The following CSMD1 variants were observed in gnomAD, a reference collection of about 807,000 sequenced individuals.
CSMD1 encodes CUB and sushi domain-containing protein 1.
Under a neutral mutation model 417.5 loss-of-function variants are expected in CSMD1, and 213 were observed. That is an observed-to-expected ratio of 0.51 (90% CI 0.46 to 0.57). The LOEUF (loss-of-function observed/expected upper bound fraction) is 0.57. Ranked by LOEUF, CSMD1 falls within the 20% of genes least tolerant of loss-of-function variation. CSMD1 has a pLI of 0.00. For missense variants in CSMD1, 6,923 were observed against 4,529.7 expected (o/e 1.53, Z -15.17); for synonymous variants, 2,862 against 1,736.8 (o/e 1.65, Z -16.11).
rs568778170 is a variant in CSMD1 at position 3,897,477 on chromosome 8, T to C, written c.818+100426A>G. Among the ~76,000 whole-genome samples, 7 of 152,300 alleles carry C rather than the reference T, an allele frequency of 4.6e-5. No individual in the cohort carries two copies. In the South Asian group the frequency reaches 1.4e-3, roughly 32 times the overall value. On this transcript the variant is annotated intron_variant, in intron 5 of 69. Coordinates refer to ENST00000635120, the MANE Select transcript of CSMD1 (RefSeq NM_033225.6). Reference sequence around the variant, plus strand: ...AAGTCATGCATATATAAACTAAATTTTTATTTATGATCTTAAAGTCATGCA... The same window carrying C: ...AAGTCATGCATATATAAACTAAATTCTTATTTATGATCTTAAAGTCATGCA...
chr8:3,776,983 G>C (rs1017920101), intron 5 of CSMD1, among the ~76,000 whole-genome samples: 3 of 151,750 alleles, frequency 2.0e-5, no homozygotes, highest in East Asian at 3.9e-4. Context: ...CATAGTGCTG[G>C]GATTACATGC....
chr8:4,277,792 G>A (rs546227750), intron 3 of CSMD1, among the ~76,000 whole-genome samples: 9 of 152,048 alleles, frequency 5.9e-5, no homozygotes, highest in African/African-American at 2.2e-4. Context: ...CTGTTGCCCA[G>A]GCTGGAGTGC....
intron 3 of CSMD1, among the ~76,000 whole-genome samples, chr8:4,228,588 T>A (rs1801510265): frequency 8.8e-6 from 1 of 113,530 alleles, no homozygotes; most frequent in Admixed American, 8.5e-5. Flanking sequence ...CTCTGTCAGA[T>A]CTTTTTTTTT....
intron 5 of CSMD1, among the ~76,000 whole-genome samples, chr8:3,890,575 G>A (rs1426146340): frequency 6.6e-6 from 1 of 152,062 alleles, no homozygotes; most frequent in Non-Finnish European, 1.5e-5. Context: ...TAACACATAA[G>A]GTTTTTATGC....
chr8:4,255,752 G>T (rs58551888), intron 3 of CSMD1, among the ~76,000 whole-genome samples: 2 of 152,192 alleles, frequency 1.3e-5, no homozygotes, highest in African/African-American at 2.4e-5. Context: ...TTAAACAAAA[G>T]TTCTAAAATT....
chr8:4,063,710 A>G (rs1799098932), intron 3 of CSMD1, among the ~76,000 whole-genome samples: 1 of 152,224 alleles, frequency 6.6e-6, no homozygotes, highest in Admixed American at 6.5e-5. Flanking sequence ...TACCTAAGTA[A>G]GGAGTCCACT....
chr8:4,645,444 C>G (rs1330578643), intron 1 of CSMD1, among the ~76,000 whole-genome samples: 2 of 36,850 alleles, frequency 5.4e-5, no homozygotes, highest in Admixed American at 5.5e-4. Flanking sequence ...AGTGCAGGGG[C>G]AAAAAAAAAA....
At chr8:3,080,771 T>C (rs535621471) in intron 49 of CSMD1, among the ~76,000 whole-genome samples, 3 of 152,312 alleles carry the variant, frequency 2.0e-5, no homozygotes, top group African/African-American at 7.2e-5. Flanking sequence ...GGGACGTAGA[T>C]ATCAAAATCT....
chr8:4,347,155 C>A (rs1800819969), intron 3 of CSMD1, among the ~76,000 whole-genome samples: 2 of 152,140 alleles, frequency 1.3e-5, no homozygotes, highest in South Asian at 2.1e-4. Context: ...GGTGTGACAA[C>A]TGGGATCGGT....
rs563144360 is a variant in CSMD1, at chr8:3,024,157, G to A, written c.7855+5162C>T. Among the ~76,000 whole-genome samples the A allele has an allele frequency of 1.2e-3, 175 of 152,082 alleles. 1 individual carries two copies. The highest frequency in any genetic ancestry group is 4.1e-3 in the African/African-American group (171 of 41,468). ...GGTGTGTGTGTGTGTGTATGTGTGT[G>A]CAAAGTAGGAAACATGAGAGATAAA... On this transcript the variant is annotated intron_variant, in intron 51 of 69. Coordinates refer to ENST00000635120, the MANE Select transcript of CSMD1 (RefSeq NM_033225.6).
intron 26 of CSMD1, among the ~76,000 whole-genome samples, chr8:3,270,638 T>G (rs1585871739): frequency 6.6e-6 from 1 of 152,192 alleles, no homozygotes; most frequent in South Asian, 2.1e-4. Context: ...TGTTCTTTAC[T>G]CATCAAAGCA....
intron 26 of CSMD1, among the ~76,000 whole-genome samples, chr8:3,236,025 C>T (rs974352392): frequency 6.8e-6 from 1 of 147,002 alleles, no homozygotes. Flanking sequence ...TCACGCCATT[C>T]TCCTTCCTCA....
intron 1 of CSMD1, among the ~76,000 whole-genome samples, chr8:4,825,498 A>T (rs912633305): frequency 6.6e-6 from 1 of 151,914 alleles, no homozygotes; most frequent in Non-Finnish European, 1.5e-5. Context: ...AGATCGCCCG[A>T]TTTTTCCTTC....
At chr8:4,326,734 T>C (rs1281267578) in intron 3 of CSMD1, among the ~76,000 whole-genome samples, 3 of 151,944 alleles carry the variant, frequency 2.0e-5, no homozygotes, top group African/African-American at 4.8e-5. Context: ...GGGGACTTGA[T>C]GGAATAGTAA....
intron 5 of CSMD1, among the ~76,000 whole-genome samples, chr8:3,824,435 G>C (rs1343627917): frequency 1.3e-5 from 2 of 152,112 alleles, no homozygotes; most frequent in Non-Finnish European, 2.9e-5. Flanking sequence ...TTACAATCCT[G>C]TGTAACTTTT....
intron 1 of CSMD1, among the ~76,000 whole-genome samples, chr8:4,855,869 A>G (rs924278868): frequency 2.0e-5 from 3 of 150,786 alleles, no homozygotes; most frequent in African/African-American, 7.3e-5. Context: ...AACTTCCCCA[A>G]TCTAGCAAGG....
intron 2 of CSMD1, among the ~76,000 whole-genome samples, chr8:4,503,363 C>A (rs17415655): frequency 4.5e-4 from 68 of 152,244 alleles, no homozygotes; most frequent in Non-Finnish European, 1.5e-5. Flanking sequence ...TGCCTACCAT[C>A]ATACTCAACT....
rs532199204 is a variant in CSMD1, at chr8:4,272,933, G to A, written c.415+147020C>T. Among the ~76,000 whole-genome samples, 10 of 152,250 alleles carry A rather than the reference G, an allele frequency of 6.6e-5. No individual in the cohort carries two copies. The East Asian group carries it at 1.9e-3, about 29-fold the overall frequency. On this transcript the variant is annotated intron_variant, in intron 3 of 69. Coordinates refer to ENST00000635120, the MANE Select transcript of CSMD1 (RefSeq NM_033225.6). ...AAATCAAATAAGAAGTATTTTGTAA[G>A]AAAGGAAATTAGTTCACAATATTTT...
At chr8:4,470,005 T>C (rs1000025069) in intron 2 of CSMD1, among the ~76,000 whole-genome samples, 3 of 151,956 alleles carry the variant, frequency 2.0e-5, no homozygotes, top group East Asian at 1.9e-4. Flanking sequence ...GTAGCTGGGA[T>C]TACAGGCGCC....
Sources: allele counts gnomAD v4.1 joint callset (sites outside exome capture counted in the v4.1 genomes callset), GRCh38; gene constraint gnomAD v4.1.1; transcripts MANE v1.5; gene names NCBI Gene and HGNC (gene_info 2026-07-23, HGNC 2026-07-21).